Variants in SLC25A48 observed in about 807,000 individuals in gnomAD.
SLC25A48 encodes the protein solute carrier family 25 member 48.
A neutral mutation model predicts 32.2 loss-of-function variants in SLC25A48; 29 were observed. The observed-to-expected ratio is 0.90, with a 90% CI of 0.67 to 1.23. SLC25A48 has a LOEUF of 1.23. Among genes scored for constraint, SLC25A48 ranks in the 50% most tolerant of loss-of-function variants. The pLI, the probability that SLC25A48 is intolerant of heterozygous loss-of-function variation, is 0.00. For missense variants in SLC25A48, 399 were observed against 422.7 expected (o/e 0.94, Z 0.49); for synonymous variants, 164 against 172.3 (o/e 0.95, Z 0.38).
intron 1 of SLC25A48, among the ~76,000 whole-genome samples, chr5:135,836,364 T>C (rs1005968201): frequency 6.6e-6 from 1 of 152,172 alleles, no homozygotes; most frequent in Non-Finnish European, 1.5e-5. Flanking sequence ...ATGGCTTTTT[T>C]TTTTTTTGGC....
intron 3 of SLC25A48, among the ~76,000 whole-genome samples, chr5:135,771,212 G>A (rs1411717845): frequency 6.6e-6 from 1 of 151,566 alleles, no homozygotes; most frequent in African/African-American, 2.4e-5. Flanking sequence ...GTAATAGCCG[G>A]GGGGGAGAAG....
chr5:135,673,235 C>T (rs531425641), intron 3 of SLC25A48, among the ~76,000 whole-genome samples: 8 of 152,248 alleles, frequency 5.3e-5, no homozygotes, highest in Non-Finnish European at 7.4e-5. Context: ...TTCCTCTTTG[C>T]GTAAATGCCT....
chr5:135,771,273 T>C (rs1225291975), intron 3 of SLC25A48, among the ~76,000 whole-genome samples: 2 of 151,444 alleles, frequency 1.3e-5, no homozygotes, highest in African/African-American at 2.4e-5. Flanking sequence ...TGCGATATGG[T>C]TCATAATATC....
chr5:135,771,043 T>A (rs2126608925), intron 3 of SLC25A48, among the ~76,000 whole-genome samples: 1 of 151,884 alleles, frequency 6.6e-6, no homozygotes, highest in East Asian at 1.9e-4. Context: ...CCCCCTGCGA[T>A]ATTGTTCTTA....
At position 135,630,588 on chromosome 5, in the gene SLC25A48, CTT is replaced by C. The variant is rs869088370; in HGVS notation, c.-709+1244_-709+1245del. The stretch of plus-strand genomic sequence containing the variant: ...AGGGGAAGATGGTTAGGCTGGGCAC[CTT>C]TTTTTTTTTTTTTTTTTTTTTTTTT... On this transcript the variant is annotated intron_variant, in intron 2 of 10. Coordinates refer to the SLC25A48 transcript ENST00000646290. 2.1e-3 allele frequency among the ~76,000 whole-genome samples: 122 copies of C among 58,894 alleles called. 1 individual carries two copies. The highest frequency in any genetic ancestry group is 7.2e-3 in the African/African-American group (117 of 16,332). The allele number at this position is 58,894 out of a possible 152,430, so 38.6% of individuals were successfully genotyped here.
chr5:135,813,755 G>T (rs1359871388), intron 4 of SLC25A48, among the ~76,000 whole-genome samples: 1 of 152,192 alleles, frequency 6.6e-6, no homozygotes, highest in Non-Finnish European at 1.5e-5. Flanking sequence ...CAGAAATCCT[G>T]GGCGGGAGGA....
chr5:135,734,387 A>G (rs973850643), intron 3 of SLC25A48, among the ~76,000 whole-genome samples: 5 of 152,174 alleles, frequency 3.3e-5, no homozygotes, highest in African/African-American at 9.7e-5. Flanking sequence ...GACTTCATAA[A>G]AGAATGTTGT....
chr5:135,868,360 A>G (rs1014679752), intron 4 of SLC25A48, among the ~76,000 whole-genome samples: 1 of 152,182 alleles, frequency 6.6e-6, no homozygotes, highest in African/African-American at 2.4e-5. Flanking sequence ...ACAAGAAACA[A>G]AGAAAGGCTA....
rs375235730 is a variant in SLC25A48, at chr5:135,718,390, C to T, written c.-521+83434C>T. Among the ~76,000 whole-genome samples, 122 of 152,280 alleles carry T rather than the reference C, an allele frequency of 8.0e-4. 5 individuals are homozygous for T. In the South Asian group the frequency reaches 0.024, roughly 30 times the overall value. On this transcript the variant is annotated intron_variant, in intron 3 of 10. Coordinates refer to the SLC25A48 transcript ENST00000646290. ...GGACTGTGGTAAAGATGTGACATAGCTCATCTCAAACCACGTAGGTTGCAA... is the reference window on the plus strand; with the variant it reads ...GGACTGTGGTAAAGATGTGACATAGTTCATCTCAAACCACGTAGGTTGCAA...
chr5:135,862,089 T>G (rs1389042819), intron 4 of SLC25A48, among the ~76,000 whole-genome samples: 1 of 152,084 alleles, frequency 6.6e-6, no homozygotes, highest in Non-Finnish European at 1.5e-5. Flanking sequence ...CTAGGTGGCC[T>G]GTTGGGCATG....
chr5:135,625,630 T>G (rs1252129592), intron 1 of SLC25A48, among the ~76,000 whole-genome samples: 2 of 152,168 alleles, frequency 1.3e-5, no homozygotes, highest in Non-Finnish European at 2.9e-5. Context: ...GTTTCCTATT[T>G]GGTATGCATC....
At chr5:135,678,033 G>A (rs916970978) in intron 3 of SLC25A48, among the ~76,000 whole-genome samples, 3 of 152,242 alleles carry the variant, frequency 2.0e-5, no homozygotes, top group Non-Finnish European at 2.9e-5. Context: ...AGGGGTCACC[G>A]GGCCTCCTGT....
chr5:135,854,442 C>T (rs1364090638), intron 4 of SLC25A48, among the ~76,000 whole-genome samples: 1 of 152,220 alleles, frequency 6.6e-6, no homozygotes, highest in Non-Finnish European at 1.5e-5. Flanking sequence ...GGATAACTTG[C>T]TGCAGGCTCT....
intron 3 of SLC25A48, among the ~76,000 whole-genome samples, chr5:135,678,643 C>T (rs1753824083): frequency 6.6e-6 from 1 of 152,136 alleles, no homozygotes; most frequent in Non-Finnish European, 1.5e-5. Context: ...TCTGGTGTCA[C>T]AGTCACTTTT....
chr5:135,882,789 C>G (rs1762571728), intron 7 of SLC25A48, among the ~76,000 whole-genome samples: 1 of 152,226 alleles, frequency 6.6e-6, no homozygotes, highest in Non-Finnish European at 1.5e-5. Flanking sequence ...TAGTGCTGGT[C>G]TGCCCTCGGT....
chr5:135,852,770 G>A lies in SLC25A48; in HGVS notation c.370G>A (p.Val124Met), dbSNP rs372469032. Residue 124 changes from valine (V) to methionine (M), a missense_variant, in exon 4 of 8, where the codon GTG becomes ATG. Val to Met is a conservative substitution (Grantham distance 21). Transcript: ENST00000681962. ...GVVSVGLGGP[V>M]DLIKIRLQMQ... ...GGTCTCTGTCGGGCTGGGAGGGCCCGTGGACCTCATCAAGATCCGGTTGCA... is the reference window on the plus strand; with the variant it reads ...GGTCTCTGTCGGGCTGGGAGGGCCCATGGACCTCATCAAGATCCGGTTGCA... 2.9e-5 allele frequency: 46 copies of A among 1,613,684 alleles called. 1 individual carries two copies. In the South Asian group the frequency reaches 3.0e-4, roughly 10 times the overall value.
intron 2 of SLC25A48, among the ~76,000 whole-genome samples, chr5:135,633,529 A>G (rs1186213919): frequency 3.3e-5 from 5 of 152,164 alleles, no homozygotes; most frequent in African/African-American, 1.2e-4. Context: ...CAAGCCAGGA[A>G]GAGAGCCCCC....
chr5:135,631,643 C>T (rs78199118), intron 2 of SLC25A48, among the ~76,000 whole-genome samples: 257 of 152,300 alleles, frequency 1.7e-3, no homozygotes, highest in African/African-American at 5.8e-3. Flanking sequence ...TTTTGTCTCC[C>T]CGGATCAGCA....
intron 1 of SLC25A48, among the ~76,000 whole-genome samples, chr5:135,615,082 C>A (rs915714779): frequency 6.6e-6 from 1 of 152,122 alleles, no homozygotes; most frequent in Non-Finnish European, 1.5e-5. Flanking sequence ...TATAAATTAC[C>A]CAGTCTCAGT....
Sources: allele counts gnomAD v4.1 joint callset (sites outside exome capture counted in the v4.1 genomes callset), GRCh38; gene constraint gnomAD v4.1.1; transcripts MANE v1.5; gene names NCBI Gene and HGNC (gene_info 2026-07-23, HGNC 2026-07-21).